Variants in PPP2R3B observed in about 807,000 individuals in gnomAD.
The protein encoded by PPP2R3B is serine/threonine-protein phosphatase 2A regulatory subunit B'' subunit beta.
A neutral mutation model predicts 72.9 loss-of-function variants in PPP2R3B; 68 were observed. The ratio of observed to expected loss-of-function variants is 0.93; its 90% confidence interval spans 0.77 to 1.14. The LOEUF (loss-of-function observed/expected upper bound fraction) is 1.14. Ranked by LOEUF, PPP2R3B falls within the 50% of genes most tolerant of loss-of-function variation. The probability of loss-of-function intolerance (pLI) is 0.00; values close to 1 mark genes in which losing one functional copy is unlikely to be tolerated. For missense variants in PPP2R3B, 1,018 were observed against 842.0 expected (o/e 1.21, Z -2.59); for synonymous variants, 466 against 375.8 (o/e 1.24, Z -2.78).
At chrX:364,763 C>A (rs372219520) in intron 1 of PPP2R3B, among the ~76,000 whole-genome samples, 219 of 64,636 alleles carry the variant, frequency 3.4e-3, no homozygotes, top group East Asian at 5.4e-3. Context: ...CATGCCTGTA[C>A]TCCCAGCTAC....
At chrX:362,490 C>T (rs1419621270) in intron 1 of PPP2R3B, among the ~76,000 whole-genome samples, 4 of 150,620 alleles carry the variant, frequency 2.7e-5, no homozygotes, top group Non-Finnish European at 5.9e-5. Context: ...TGTCCTTCCC[C>T]ATCAACTACT....
At position 384,799 on chromosome X, in the gene PPP2R3B, A is replaced by G. The variant is rs778770363; in HGVS notation, c.324+1569T>C. Among the ~76,000 whole-genome samples, 26 of 152,020 alleles carry G rather than the reference A, an allele frequency of 1.7e-4. No homozygotes were observed. The South Asian group carries it at 5.2e-3, about 30-fold the overall frequency. ...CAGGAGTTTGAGACCAGTCTAGCCAACAAGGTGAAAGCCTGCCTCTACTAA... is the reference window on the plus strand; with the variant it reads ...CAGGAGTTTGAGACCAGTCTAGCCAGCAAGGTGAAAGCCTGCCTCTACTAA... On this transcript the variant is annotated intron_variant, in intron 1 of 12. Transcript: ENST00000390665.
rs201461845 is a variant in PPP2R3B at position 340,876 on chromosome X, C to T, written c.1240G>A (p.Glu414Lys). The change falls in exon 10 of 13, where the codon GAG becomes AAG. Residue 414 changes from glutamate (E) to lysine (K), a missense_variant. Coordinates refer to ENST00000390665, the MANE Select transcript of PPP2R3B (RefSeq NM_013239.5). The stretch of plus-strand genomic sequence containing the variant: ...CGGCACTGCTCCTCGTAGAAGTACT[C>T]GAGCTCGAACATGGACAGGGCGCCG... Reference protein sequence around the residue: ...GDGALSMFELEYFYEEQCRRL... With the variant: ...GDGALSMFELKYFYEEQCRRL... 21 of 1,612,118 alleles carry T rather than the reference C, an allele frequency of 1.3e-5. No individual in the cohort carries two copies. Among genetic ancestry groups the T allele is most frequent in the Admixed American group, 5.0e-5 (3 of 60,000 alleles).
chrX:350,514 A>G (rs1422890113), intron 2 of PPP2R3B, among the ~76,000 whole-genome samples: 1 of 151,810 alleles, frequency 6.6e-6, no homozygotes, highest in Non-Finnish European at 1.5e-5. Flanking sequence ...AATTTTAAGC[A>G]TCAGTGAGAA....
chrX:337,685 C>T (rs760572705), intron 12 of PPP2R3B: 2 of 152,438 alleles, frequency 1.3e-5, no homozygotes, highest in Non-Finnish European at 2.9e-5. Context: ...ACACGGCGCC[C>T]AAGTCGGAGG....
chrX:386,513 G>C lies in PPP2R3B; in HGVS notation c.179C>G (p.Thr60Arg). The change falls in exon 1 of 13, where the codon ACA becomes AGA. Residue 60 changes from threonine (T) to arginine (R), a missense_variant. By Grantham distance (71) the Thr-to-Arg change is moderately conservative. Transcript: ENST00000390665. ...GGGCCGGGGGGCGGCGAGCGGGGCT[G>C]TGGGCCAGGCCCCGGGCTGCTCCCC... ...GDGEQPGAWP[T>R]APLAAPRPSG... The C allele has an allele frequency of 1.5e-6, 2 of 1,342,666 alleles. No homozygotes were observed. Among genetic ancestry groups the C allele is most frequent in the South Asian group, 1.9e-5 (1 of 52,492 alleles). 83.2% of individuals were successfully genotyped at this position (1,342,666 alleles called of 1,614,324 possible).
chrX:347,461 A>C, intron 3 of PPP2R3B, 125 bp from the exon 4 acceptor site: 3 of 1,342,402 alleles, frequency 2.2e-6, no homozygotes, highest in Non-Finnish European at 3.2e-6. Flanking sequence ...CACGACGGCC[A>C]GGCCTGTGCC....
chrX:338,317 G>A lies in PPP2R3B; in HGVS notation c.1577+287C>T, dbSNP rs1394400594. 1.2e-4 allele frequency: 69 copies of A among 567,836 alleles called. No individual in the cohort carries two copies. In the East Asian group the frequency reaches 1.3e-3, roughly 10 times the overall value. 35.2% of individuals were successfully genotyped at this position (567,836 alleles called of 1,614,324 possible). On this transcript the variant is annotated intron_variant, in intron 12 of 12. Transcript: ENST00000390665. ...AGACGTCGTTGGCGAAACACGACTC[G>A]GCCTCCCCGTGCTGGGCCTGATGTG...
intron 1 of PPP2R3B, among the ~76,000 whole-genome samples, chrX:376,889 C>T (rs2072009797): frequency 2.3e-5 from 2 of 85,892 alleles, no homozygotes; most frequent in South Asian, 8.3e-4. Context: ...AGGGACGGGC[C>T]GTCCACACCC....
At chrX:342,813 G>T (rs1489411584) in intron 7 of PPP2R3B, among the ~76,000 whole-genome samples, 24 of 34,002 alleles carry the variant, frequency 7.1e-4, no homozygotes, top group African/African-American at 1.7e-3. Context: ...GAGGCGGGAG[G>T]GAGACCTCAG....
intron 1 of PPP2R3B, among the ~76,000 whole-genome samples, chrX:376,299 TGGATGCAGTCCCACTGCCC>T (rs2071991818): frequency 3.2e-5 from 3 of 92,832 alleles, no homozygotes; most frequent in Admixed American, 1.1e-4. Flanking sequence ...GAACCACCTC[TGGATGCAGTCCCACTGCCC>T]CCCTGGAGCC....
chrX:359,113 G>A (rs1429767787), intron 2 of PPP2R3B, among the ~76,000 whole-genome samples: 2 of 152,190 alleles, frequency 1.3e-5, no homozygotes, highest in African/African-American at 2.4e-5. Flanking sequence ...CTGCAAAAGA[G>A]GTGTCTGACC....
At chrX:382,130 CT>C (rs1246728713) in intron 1 of PPP2R3B, among the ~76,000 whole-genome samples, 1 of 152,078 alleles carries the variant, frequency 6.6e-6, no homozygotes, top group Non-Finnish European at 1.5e-5. Flanking sequence ...CGCATCCTTC[CT>C]TCTGCTTCTC....
intron 1 of PPP2R3B, among the ~76,000 whole-genome samples, chrX:385,828 C>T (rs1443828222): frequency 1.3e-5 from 2 of 151,796 alleles, no homozygotes; most frequent in African/African-American, 2.4e-5. Context: ...CGTCTGAAAT[C>T]CCAGCACTTT....
At chrX:367,342 T>C (rs1374331995) in intron 1 of PPP2R3B, among the ~76,000 whole-genome samples, 3 of 151,746 alleles carry the variant, frequency 2.0e-5, no homozygotes, top group African/African-American at 7.3e-5. Context: ...GTCAGTGACA[T>C]GCTGACTGGA....
chrX:347,537 C>T, intron 3 of PPP2R3B, 53 bp downstream of exon 3: 2 of 1,525,272 alleles, frequency 1.3e-6, no homozygotes, highest in Admixed American at 2.0e-5. Flanking sequence ...CCACGGGGAC[C>T]CGGGGACGCC....
intron 6 of PPP2R3B, 72 bp downstream of exon 6, chrX:346,102 G>GAGGGT: frequency 1.2e-6 from 1 of 855,106 alleles, no homozygotes; most frequent in Non-Finnish European, 1.7e-6. Flanking sequence ...GGGGGAGGAG[G>GAGGGT]GAAGGGAAGG....
At chrX:350,938 G>A (rs905304196) in intron 2 of PPP2R3B, among the ~76,000 whole-genome samples, 10 of 152,146 alleles carry the variant, frequency 6.6e-5, no homozygotes, top group African/African-American at 2.4e-4. Flanking sequence ...GAGAGGAGCC[G>A]GACGCCAGAG....
chrX:384,850 T>C (rs760218222), intron 1 of PPP2R3B, among the ~76,000 whole-genome samples: 1 of 151,534 alleles, frequency 6.6e-6, no homozygotes, highest in Non-Finnish European at 1.5e-5. Context: ...CCGGGGGTGG[T>C]GGTGTGCGCC....
Sources: gnomAD v4.1 joint callset for allele counts (sites outside exome capture counted in the v4.1 genomes callset) on GRCh38, gnomAD v4.1.1 for gene constraint, MANE v1.5 for transcripts, NCBI Gene and HGNC (gene_info 2026-07-23, HGNC 2026-07-21) for gene names.